Variants in GABRB1 observed in about 807,000 individuals in gnomAD.
GABRB1 encodes gamma-aminobutyric acid receptor subunit beta-1.
Under a neutral mutation model 51.6 loss-of-function variants are expected in GABRB1, and 17 were observed. That is an observed-to-expected ratio of 0.33 (90% CI 0.23 to 0.49). The LOEUF is 0.49. Among genes scored for constraint, GABRB1 ranks in the 20% least tolerant of loss-of-function variants. GABRB1 has a pLI of 0.99. For synonymous variants in GABRB1, 247 were observed against 218.9 expected (o/e 1.13, Z -1.14); for missense variants, 410 against 600.6 (o/e 0.68, Z 3.32).
At chr4:47,120,909 G>A (rs911633818) in intron 3 of GABRB1, among the ~76,000 whole-genome samples, 10 of 151,970 alleles carry the variant, frequency 6.6e-5, no homozygotes, top group South Asian at 2.1e-4. Flanking sequence ...GAGACTTTTC[G>A]GATCTATGAG....
At chr4:47,159,197 C>A (rs532937838) in intron 3 of GABRB1, among the ~76,000 whole-genome samples, 3 of 151,876 alleles carry the variant, frequency 2.0e-5, no homozygotes, top group Non-Finnish European at 4.4e-5. Context: ...AGATAGGATT[C>A]TTTAAGCCCA....
At chr4:47,061,850 T>C (rs1462391458) in intron 3 of GABRB1, among the ~76,000 whole-genome samples, 1 of 152,154 alleles carries the variant, frequency 6.6e-6, no homozygotes, top group Non-Finnish European at 1.5e-5. Flanking sequence ...ATGTGAGCTG[T>C]TTTTCCTCAG....
intron 3 of GABRB1, among the ~76,000 whole-genome samples, chr4:47,092,403 CTT>C (rs981881070): frequency 4.2e-4 from 64 of 151,760 alleles, no homozygotes; most frequent in African/African-American, 1.5e-3. Flanking sequence ...GAACCCCTGA[CTT>C]AAGGTGATCC....
chr4:47,377,184 C>T (rs1727414528), intron 5 of GABRB1, among the ~76,000 whole-genome samples: 1 of 152,098 alleles, frequency 6.6e-6, no homozygotes, highest in African/African-American at 2.4e-5. Context: ...GCTCTTGTTG[C>T]CCAGGCTGGA....
intron 4 of GABRB1, among the ~76,000 whole-genome samples, chr4:47,213,475 C>G (rs1720443310): frequency 6.6e-6 from 1 of 150,864 alleles, no homozygotes; most frequent in South Asian, 2.1e-4. Flanking sequence ...TCTCTGTATG[C>G]CTCTCACACT....
At chr4:47,010,457 T>C (rs947011479) in intron 1 of GABRB1, among the ~76,000 whole-genome samples, 1 of 152,234 alleles carries the variant, frequency 6.6e-6, no homozygotes, top group African/African-American at 2.4e-5. Context: ...TTAGGTCTCC[T>C]GCCTCCTACT....
At chr4:47,313,594 T>C (rs946782343) in intron 4 of GABRB1, among the ~76,000 whole-genome samples, 1 of 152,144 alleles carries the variant, frequency 6.6e-6, no homozygotes, top group African/African-American at 2.4e-5. Flanking sequence ...GACATCTCTC[T>C]TTTTGTTGAT....
At position 47,017,665 on chromosome 4, in the gene GABRB1, T is replaced by C. The variant is rs114144529; in HGVS notation, c.-19-14249T>C. Among the ~76,000 whole-genome samples, 1,270 of 152,214 alleles carry C rather than the reference T, an allele frequency of 8.3e-3. 17 individuals are homozygous for C. The highest frequency in any genetic ancestry group is 0.028 in the African/African-American group (1,164 of 41,556). On this transcript the variant is annotated intron_variant, in intron 1 of 3. Transcript: ENST00000513567. ...ACACACACACAAGCATGCTGGCTTCTAGTTTTACCACTGAATCTCTGAAAT... is the reference window on the plus strand; with the variant it reads ...ACACACACACAAGCATGCTGGCTTCCAGTTTTACCACTGAATCTCTGAAAT...
At chr4:47,333,389 G>A (rs1473151915) in intron 5 of GABRB1, among the ~76,000 whole-genome samples, 1 of 151,848 alleles carries the variant, frequency 6.6e-6, no homozygotes, top group African/African-American at 2.4e-5. Context: ...AAGTTAAAAT[G>A]TATGTTTGAA....
chr4:47,412,444 G>T (rs996445829), intron 8 of GABRB1, among the ~76,000 whole-genome samples: 4 of 152,072 alleles, frequency 2.6e-5, no homozygotes, highest in Non-Finnish European at 5.9e-5. Context: ...TTCTGCTCCA[G>T]ACTGTCTTAC....
chr4:47,301,320 A>G (rs1724250525), intron 4 of GABRB1, among the ~76,000 whole-genome samples: 1 of 152,166 alleles, frequency 6.6e-6, no homozygotes, highest in African/African-American at 2.4e-5. Flanking sequence ...ATTCATGTAA[A>G]AGTATAAAAC....
At chr4:47,309,629 C>T (rs1724596951) in intron 4 of GABRB1, among the ~76,000 whole-genome samples, 1 of 151,952 alleles carries the variant, frequency 6.6e-6, no homozygotes, top group South Asian at 2.1e-4. Flanking sequence ...GTATAGTATC[C>T]ATTAAAATTA....
chr4:47,169,807 A>G (rs1009935270), intron 4 of GABRB1, among the ~76,000 whole-genome samples: 1 of 152,074 alleles, frequency 6.6e-6, no homozygotes, highest in African/African-American at 2.4e-5. Flanking sequence ...CGGCCTTGAA[A>G]GCATTTTTAG....
chr4:47,038,774 C>T (rs1369679156), intron 3 of GABRB1, among the ~76,000 whole-genome samples: 1 of 152,156 alleles, frequency 6.6e-6, no homozygotes, highest in Admixed American at 6.5e-5. Context: ...GAAAGTAAAA[C>T]ATTTCAAAAG....
chr4:47,293,234 C>T (rs541384215), intron 4 of GABRB1, among the ~76,000 whole-genome samples: 44 of 152,176 alleles, frequency 2.9e-4, no homozygotes, highest in African/African-American at 8.9e-4. Flanking sequence ...CTCCGCCTCC[C>T]GGGTTCAAGT....
intron 8 of GABRB1, among the ~76,000 whole-genome samples, chr4:47,416,427 G>A (rs1225899636): frequency 1.3e-5 from 2 of 151,580 alleles, no homozygotes; most frequent in African/African-American, 4.8e-5. Flanking sequence ...GTAAACAGAA[G>A]ATATAAATAG....
intron 4 of GABRB1, among the ~76,000 whole-genome samples, chr4:47,311,577 A>G (rs1214008771): frequency 6.6e-6 from 1 of 152,118 alleles, no homozygotes; most frequent in Non-Finnish European, 1.5e-5. Flanking sequence ...CTAGAAGCTG[A>G]AAAAGGCAGA....
chr4:47,108,287 T>C (rs1715056986), intron 3 of GABRB1, among the ~76,000 whole-genome samples: 2 of 152,086 alleles, frequency 1.3e-5, no homozygotes, highest in African/African-American at 4.8e-5. Flanking sequence ...CCAGGATTAT[T>C]TTCCACTTTG....
intron 5 of GABRB1, among the ~76,000 whole-genome samples, chr4:47,383,849 C>T (rs369201802): frequency 6.6e-6 from 1 of 152,030 alleles, no homozygotes; most frequent in Non-Finnish European, 1.5e-5. Context: ...GTGACAAGGT[C>T]TATTAATCAT....
Sources: gnomAD v4.1 joint callset for allele counts (sites outside exome capture counted in the v4.1 genomes callset) on GRCh38, gnomAD v4.1.1 for gene constraint, MANE v1.5 for transcripts, NCBI Gene and HGNC (gene_info 2026-07-23, HGNC 2026-07-21) for gene names.